IPO11: variants seen among roughly 807,000 people sequenced by gnomAD.
IPO11 encodes importin-11.
A neutral mutation model predicts 143.2 loss-of-function variants in IPO11; 66 were observed. The observed-to-expected ratio is 0.46, with a 90% CI of 0.38 to 0.57. The LOEUF is 0.57. Ranked by LOEUF, IPO11 falls within the 20% of genes least tolerant of loss-of-function variation. The pLI is 0.00. For synonymous variants in IPO11, 385 were observed against 377.8 expected (o/e 1.02, Z -0.22); for missense variants, 1,026 against 1,141.0 (o/e 0.90, Z 1.45).
chr5:62,499,934 C>T (rs1172296506), intron 16 of IPO11, among the ~76,000 whole-genome samples: 2 of 152,190 alleles, frequency 1.3e-5, no homozygotes, highest in Admixed American at 6.5e-5. Context: ...TCTTGTCCCA[C>T]TAGAAGGTCT....
At chr5:62,422,091 T>C (rs1277320270) in intron 1 of IPO11, among the ~76,000 whole-genome samples, 1 of 152,208 alleles carries the variant, frequency 6.6e-6, no homozygotes, top group African/African-American at 2.4e-5. Flanking sequence ...GTTTTATAGC[T>C]TTTCCTTCCT....
intron 24 of IPO11, among the ~76,000 whole-genome samples, chr5:62,541,456 G>A (rs981028599): frequency 6.6e-6 from 1 of 152,084 alleles, no homozygotes; most frequent in Non-Finnish European, 1.5e-5. Flanking sequence ...GAGGCAGGCG[G>A]ATCACTTGAT....
At chr5:62,624,835 T>A (rs13167856) in intron 29 of IPO11, among the ~76,000 whole-genome samples, 108,757 of 151,850 alleles carry the variant, frequency 0.72, 39,677 homozygotes, top group African/African-American at 0.86. Flanking sequence ...ATAAAAACAA[T>A]TTAACTGGGC....
intron 5 of IPO11, among the ~76,000 whole-genome samples, chr5:62,455,713 T>C (rs943817157): frequency 6.6e-6 from 1 of 152,106 alleles, no homozygotes; most frequent in Admixed American, 6.6e-5. Context: ...GAGCAAATTG[T>C]TTTGCAGTAA....
At position 62,582,929 on chromosome 5, in the gene IPO11, G is replaced by T. The variant is rs371641843; in HGVS notation, c.2583-8648G>T. ...ATATTTGAGAGAAAATCAGAAAGGA[G>T]CTGAAAAGTAATTTTAAGATATATT... On this transcript the variant is annotated intron_variant, in intron 27 of 29. Transcript: ENST00000325324. 4.5e-4 allele frequency among the ~76,000 whole-genome samples: 68 copies of T among 152,138 alleles called. No homozygotes were observed. The South Asian group carries it at 0.012, about 28-fold the overall frequency.
At chr5:62,566,688 A>G (rs1213747131) in intron 27 of IPO11, among the ~76,000 whole-genome samples, 2 of 151,680 alleles carry the variant, frequency 1.3e-5, no homozygotes, top group Non-Finnish European at 2.9e-5. Flanking sequence ...CAGTGAGCCA[A>G]AATCGTACCA....
At chr5:62,589,990 A>G (rs1744952627) in intron 27 of IPO11, among the ~76,000 whole-genome samples, 1 of 152,144 alleles carries the variant, frequency 6.6e-6, no homozygotes, top group Admixed American at 6.5e-5. Context: ...TCAGCACAGT[A>G]AGGTCGAAGT....
intron 26 of IPO11, among the ~76,000 whole-genome samples, chr5:62,553,589 A>T (rs974208094): frequency 3.3e-5 from 5 of 151,126 alleles, no homozygotes; most frequent in Non-Finnish European, 5.9e-5. Context: ...TAATGGCTAC[A>T]CTAGTTTACA....
At chr5:62,478,520 T>C (rs1163399551) in intron 9 of IPO11, among the ~76,000 whole-genome samples, 2 of 152,192 alleles carry the variant, frequency 1.3e-5, no homozygotes, top group African/African-American at 4.8e-5. Context: ...TAAAAAATAC[T>C]GATAGCTTCT....
chr5:62,539,552 T>C (rs1374851140), intron 24 of IPO11, among the ~76,000 whole-genome samples: 2 of 152,244 alleles, frequency 1.3e-5, no homozygotes, highest in Admixed American at 1.3e-4. Flanking sequence ...TATAAGCCAC[T>C]GTTACCAAAG....
chr5:62,623,231 T>A (rs777003191), intron 29 of IPO11, among the ~76,000 whole-genome samples: 2 of 152,234 alleles, frequency 1.3e-5, no homozygotes, highest in Non-Finnish European at 2.9e-5. Context: ...TGTAGATCAA[T>A]TTTCCTTTAA....
At chr5:62,418,048 T>C (rs1274485823) in intron 1 of IPO11, among the ~76,000 whole-genome samples, 2 of 152,210 alleles carry the variant, frequency 1.3e-5, no homozygotes, top group East Asian at 3.8e-4. Context: ...TAAAGTGCAA[T>C]GGTGCAATCT....
intron 24 of IPO11, among the ~76,000 whole-genome samples, chr5:62,537,601 C>T (rs1051931345): frequency 5.9e-5 from 9 of 152,154 alleles, no homozygotes; most frequent in Non-Finnish European, 1.3e-4. Flanking sequence ...GATTTAAAAA[C>T]TCTTGTAAAT....
chr5:62,603,425 G>A (rs556809629), intron 29 of IPO11, among the ~76,000 whole-genome samples: 2 of 147,922 alleles, frequency 1.4e-5, no homozygotes, highest in South Asian at 4.5e-4. Context: ...AGCTTTCATA[G>A]AGCAGCATTT....
At chr5:62,522,404 C>T (rs928154924) in intron 20 of IPO11, among the ~76,000 whole-genome samples, 5 of 152,032 alleles carry the variant, frequency 3.3e-5, no homozygotes, top group Admixed American at 3.3e-4. Flanking sequence ...CCTGCCTCAG[C>T]CTCCCCAGTA....
At chr5:62,552,081 G>T (rs1298488090) in intron 26 of IPO11, among the ~76,000 whole-genome samples, 1 of 152,090 alleles carries the variant, frequency 6.6e-6, no homozygotes, top group Non-Finnish European at 1.5e-5. Context: ...TGGAGATCAT[G>T]CCACTGCACT....
intron 20 of IPO11, among the ~76,000 whole-genome samples, chr5:62,520,923 T>C (rs949330348): frequency 2.6e-5 from 4 of 152,208 alleles, no homozygotes; most frequent in African/African-American, 9.6e-5. Flanking sequence ...CTTGAGGAAT[T>C]GCCACACTGT....
intron 9 of IPO11, among the ~76,000 whole-genome samples, chr5:62,479,069 A>C (rs1349077631): frequency 6.6e-6 from 1 of 152,142 alleles, no homozygotes; most frequent in Non-Finnish European, 1.5e-5. Context: ...TATTTCTCCT[A>C]ATGCTATCCC....
intron 3 of IPO11, 69 bp from the exon 4 acceptor site, chr5:62,449,858 G>A: frequency 1.0e-6 from 1 of 976,156 alleles, no homozygotes; most frequent in Non-Finnish European, 1.5e-6. Flanking sequence ...AAAATTTACA[G>A]TAATGCTTAC....
Sources: gnomAD v4.1 joint callset for allele counts (sites outside exome capture counted in the v4.1 genomes callset) on GRCh38, gnomAD v4.1.1 for gene constraint, MANE v1.5 for transcripts, NCBI Gene and HGNC (gene_info 2026-07-23, HGNC 2026-07-21) for gene names.